Variants in GADL1 observed in about 807,000 individuals in gnomAD.
The protein encoded by GADL1 is acidic amino acid decarboxylase GADL1.
In GADL1, 71 loss-of-function variants were observed where a neutral mutation model predicts 69.5. The ratio of observed to expected loss-of-function variants is 1.02; its 90% CI spans 0.84 to 1.25. GADL1 has a LOEUF of 1.25. Ranked by LOEUF, GADL1 falls within the 50% of genes most tolerant of loss-of-function variation. The probability of loss-of-function intolerance (pLI) is 0.00; values close to 1 mark genes in which losing one functional copy is unlikely to be tolerated. For synonymous variants in GADL1, 254 were observed against 214.4 expected (o/e 1.18, Z -1.62); for missense variants, 737 against 631.8 (o/e 1.17, Z -1.79).
intron 9 of GADL1, among the ~76,000 whole-genome samples, chr3:30,836,216 C>T (rs527890351): frequency 7.9e-5 from 12 of 152,108 alleles, no homozygotes; most frequent in South Asian, 6.2e-4. Flanking sequence ...CACTTCTACT[C>T]CTTCATGCTC....
chr3:30,886,197 T>G (rs1258213122), intron 1 of GADL1, among the ~76,000 whole-genome samples: 1 of 152,202 alleles, frequency 6.6e-6, no homozygotes, highest in African/African-American at 2.4e-5. Flanking sequence ...ATACAAGAAC[T>G]GTACTTGATC....
At chr3:30,856,889 A>G (rs1698237283) in intron 3 of GADL1, 126 bp downstream of exon 3, 1 of 736,002 alleles carries the variant, frequency 1.4e-6, no homozygotes, top group Admixed American at 2.9e-5. Context: ...CAAAAACATC[A>G]GAACTACTAA....
intron 1 of GADL1, among the ~76,000 whole-genome samples, chr3:30,869,833 G>T (rs1698456021): frequency 6.6e-6 from 1 of 151,740 alleles, no homozygotes; most frequent in African/African-American, 2.4e-5. Context: ...AGACCAAAAA[G>T]ACACACAGAT....
intron 13 of GADL1, among the ~76,000 whole-genome samples, 199 bp downstream of exon 13, chr3:30,786,156 G>A (rs949312642): frequency 7.9e-5 from 12 of 152,036 alleles, no homozygotes; most frequent in East Asian, 1.9e-4. Context: ...ATACTTAAAG[G>A]CAAGTATATT....
At position 30,798,733 on chromosome 3, in the gene GADL1, G is replaced by A. The variant is rs1392034408; in HGVS notation, c.1250+2156C>T. On this transcript the variant is annotated intron_variant, in intron 12 of 14. Coordinates refer to ENST00000282538, the MANE Select transcript of GADL1 (RefSeq NM_207359.3). ...AGTCCAAGGTTTCATCTGAGACAAG[G>A]CAAGTCTCTTCTGCCTACGAACCTG... The A allele has an allele frequency of 3.3e-5, 5 of 150,488 alleles. No individual in the cohort carries two copies. In the South Asian group the frequency reaches 8.4e-4, roughly 25 times the overall value. The allele number at this position is 150,488 out of a possible 1,614,324, so 9.3% of individuals were successfully genotyped here. A position where few individuals can be genotyped will look rare whatever the true frequency, so the allele number is the denominator to read the frequency against.
chr3:30,877,902 G>C (rs936725559), intron 1 of GADL1, among the ~76,000 whole-genome samples: 4 of 151,866 alleles, frequency 2.6e-5, no homozygotes, highest in Non-Finnish European at 5.9e-5. Flanking sequence ...TTAGATAGTT[G>C]CTCTACAATA....
chr3:30,761,078 C>CT (rs1368393638), intron 14 of GADL1, among the ~76,000 whole-genome samples: 1 of 152,166 alleles, frequency 6.6e-6, no homozygotes, highest in East Asian at 1.9e-4. Context: ...TGGAAAAAAG[C>CT]TATCGGGTTT....
Position 30,852,076 on chromosome 3 carries a change from A to T in GADL1, c.429-1135T>A, listed in dbSNP as rs181364003. ...GTTAAGCAGACACATTTAGATTTAT[A>T]GTCACAGAATTTAATGCAATTATTT... On this transcript the variant is annotated intron_variant, in intron 4 of 14. Coordinates refer to ENST00000282538, the MANE Select transcript of GADL1 (RefSeq NM_207359.3). Among the ~76,000 whole-genome samples the T allele has an allele frequency of 2.1e-4, 32 of 152,322 alleles. No individual in the cohort carries two copies. In the South Asian group the frequency reaches 3.9e-3, roughly 19 times the overall value.
At chr3:30,738,600 ATTCAATGAGT>A (rs1441134562) in intron 14 of GADL1, among the ~76,000 whole-genome samples, 2 of 152,210 alleles carry the variant, frequency 1.3e-5, no homozygotes, top group African/African-American at 2.4e-5. Flanking sequence ...TTCATAACAT[ATTCAATGAGT>A]ATCACTCCAT....
intron 1 of GADL1, among the ~76,000 whole-genome samples, chr3:30,879,891 G>T (rs1293705008): frequency 2.0e-5 from 3 of 151,888 alleles, no homozygotes; most frequent in Non-Finnish European, 4.4e-5. Flanking sequence ...CAAGGCAATA[G>T]TCGGAATGAT....
At chr3:30,815,353 A>T (rs1697449284) in intron 11 of GADL1, among the ~76,000 whole-genome samples, 1 of 152,204 alleles carries the variant, frequency 6.6e-6, no homozygotes, top group Admixed American at 6.5e-5. Flanking sequence ...GAGGAGGGCT[A>T]TGTGATGACA....
rs1405524339 is a variant in GADL1, at chr3:30,875,673, G to A, written c.38-13908C>T. On this transcript the variant is annotated intron_variant, in intron 1 of 14. Coordinates refer to ENST00000282538, the MANE Select transcript of GADL1 (RefSeq NM_207359.3). ...GGGCACATACTTCACATATTAAATAGGATCTGATTTGCCCTCTCGGGTGGT... is the reference window on the plus strand; with the variant it reads ...GGGCACATACTTCACATATTAAATAAGATCTGATTTGCCCTCTCGGGTGGT... Among the ~76,000 whole-genome samples, 3 of 151,830 alleles carry A rather than the reference G, an allele frequency of 2.0e-5. No individual in the cohort carries two copies. In the East Asian group the frequency reaches 5.8e-4, roughly 30 times the overall value.
At chr3:30,844,882 G>A (rs780560389) in intron 6 of GADL1, among the ~76,000 whole-genome samples, 12 of 152,174 alleles carry the variant, frequency 7.9e-5, no homozygotes, top group Non-Finnish European at 1.6e-4. Context: ...CCATCCCATT[G>A]AGAAAAGTAA....
At position 30,780,233 on chromosome 3, in the gene GADL1, C is replaced by CTG. The variant is rs1327055795; in HGVS notation, c.1303-1967_1303-1966dup. Among the ~76,000 whole-genome samples the CTG allele has an allele frequency of 8.5e-5, 13 of 152,302 alleles. No individual in the cohort carries two copies. In the South Asian group the frequency reaches 2.7e-3, roughly 32 times the overall value. On this transcript the variant is annotated intron_variant, in intron 13 of 14. Transcript: ENST00000282538. The stretch of plus-strand genomic sequence containing the variant: ...TGATTTCCAAGTTGTGGCATGGCCC[C>CTG]TGTAGATGGCTTCCCTCAGCTCAGC...
At chr3:30,808,970 G>A (rs1031889710) in intron 11 of GADL1, among the ~76,000 whole-genome samples, 4 of 152,126 alleles carry the variant, frequency 2.6e-5, no homozygotes, top group African/African-American at 9.7e-5. Context: ...CCAGTCTCAT[G>A]CACAGTGACT....
intron 4 of GADL1, among the ~76,000 whole-genome samples, chr3:30,854,113 C>G (rs867589324): frequency 1.3e-5 from 2 of 152,102 alleles, no homozygotes; most frequent in Non-Finnish European, 2.9e-5. Context: ...TGCCACAGGG[C>G]CTTTATACAT....
rs575343516 is a variant in GADL1 at position 30,782,424 on chromosome 3, T to G, written c.1302+3931A>C. On this transcript the variant is annotated intron_variant, in intron 13 of 14. Coordinates refer to ENST00000282538, the MANE Select transcript of GADL1 (RefSeq NM_207359.3). ...ATACTTAGCGGGGAAGAAAAGGAGA[T>G]AGTAAAAACATCAAGATTTTTGGTT... Among the ~76,000 whole-genome samples, 220 of 151,976 alleles carry G rather than the reference T, an allele frequency of 1.4e-3. 1 individual carries two copies. The highest frequency in any genetic ancestry group is 1.5e-3 in the Non-Finnish European group (101 of 67,962).
intron 1 of GADL1, among the ~76,000 whole-genome samples, chr3:30,871,042 A>AGTAAGTGTGTGT (rs1553603740): frequency 7.1e-6 from 1 of 141,378 alleles, no homozygotes; most frequent in Non-Finnish European, 1.5e-5. Context: ...AAGGCAGAAA[A>AGTAAGTGTGTGT]GTGTGTGTGT....
chr3:30,887,296 T>C (rs1355967332), intron 1 of GADL1, among the ~76,000 whole-genome samples: 1 of 152,216 alleles, frequency 6.6e-6, no homozygotes, highest in Non-Finnish European at 1.5e-5. Context: ...ATTCCCAATG[T>C]GGCAGTACTA....
Sources: gnomAD v4.1 joint callset for allele counts (sites outside exome capture counted in the v4.1 genomes callset) on GRCh38, gnomAD v4.1.1 for gene constraint, MANE v1.5 for transcripts, NCBI Gene and HGNC (gene_info 2026-07-23, HGNC 2026-07-21) for gene names.